The following HSD17B12 variants were observed in gnomAD, a reference collection of about 807,000 sequenced individuals.
The protein encoded by HSD17B12 is hydroxysteroid 17-beta dehydrogenase 12, also known as very-long-chain 3-oxoacyl-CoA reductase.
Under a neutral mutation model 39.3 loss-of-function variants are expected in HSD17B12, and 32 were observed. That is an observed-to-expected ratio of 0.81 (90% CI 0.61 to 1.09). The LOEUF (loss-of-function observed/expected upper bound fraction) is 1.09, where lower values mean the gene tolerates loss of function less well. Ranked by LOEUF, HSD17B12 falls within the 50% of genes least tolerant of loss-of-function variation. The pLI is 0.00. For missense variants in HSD17B12, 342 were observed against 382.9 expected (o/e 0.89, Z 0.89); for synonymous variants, 150 against 146.7 (o/e 1.02, Z -0.16).
At chr11:43,810,675 A>G (rs1230697451) in intron 4 of HSD17B12, among the ~76,000 whole-genome samples, 1 of 151,876 alleles carries the variant, frequency 6.6e-6, no homozygotes, top group Non-Finnish European at 1.5e-5. Flanking sequence ...CCAGTCTTAG[A>G]CCTCTAGTCA....
Position 43,838,392 on chromosome 11 carries a change from A to C in HSD17B12, c.612A>C (p.Ala204=), listed in dbSNP as rs1286018381. ...TCCCACTCTTGACCATCTATTCTGC[A>C]ACCAAGGTAAAAAATATTTTCTTAA... ...LPVPLLTIYS[A]TKTFVDFFSQ... Residue 204 remains alanine (A), a synonymous_variant, in exon 8 of 11, where the codon GCA becomes GCC. Transcript: ENST00000278353. 1.2e-6 allele frequency: 2 copies of C among 1,609,296 alleles called. No individual in the cohort carries two copies. Among genetic ancestry groups the C allele is most frequent in the South Asian group, 2.2e-5 (2 of 90,948 alleles).
At position 43,836,748 on chromosome 11, in the gene HSD17B12, T is replaced by C. The variant is rs116847034; in HGVS notation, c.537-1569T>C. Among the ~76,000 whole-genome samples the C allele has an allele frequency of 3.3e-3, 497 of 152,218 alleles. 12 individuals carry two copies. The East Asian group carries it at 0.076, about 23-fold the overall frequency. Reference sequence around the variant, plus strand: ...TCATCAAAGGAATTTCTCAGAAATATAGATAAAATGAAAGGACTAGATATT... The same window carrying C: ...TCATCAAAGGAATTTCTCAGAAATACAGATAAAATGAAAGGACTAGATATT... On this transcript the variant is annotated intron_variant, in intron 7 of 10. Transcript: ENST00000278353.
intron 1 of HSD17B12, among the ~76,000 whole-genome samples, chr11:43,692,201 A>T (rs1305118064): frequency 6.6e-6 from 1 of 152,182 alleles, no homozygotes; most frequent in East Asian, 1.9e-4. Context: ...GTGTATTTCA[A>T]TTGGGGGGTC....
intron 9 of HSD17B12, among the ~76,000 whole-genome samples, chr11:43,848,874 C>A (rs1326858295): frequency 6.6e-6 from 1 of 152,188 alleles, no homozygotes; most frequent in African/African-American, 2.4e-5. Context: ...ATGACCTCCA[C>A]TACTACCACT....
the HSD17B12 span, among the ~76,000 whole-genome samples, chr11:43,560,437 T>G: frequency 6.6e-6 from 1 of 152,174 alleles, no homozygotes; most frequent in African/African-American, 2.4e-5. Flanking sequence ...AAATGCTACT[T>G]TAGGGTCCCT....
chr11:43,588,474 C>T, the HSD17B12 span, among the ~76,000 whole-genome samples: 1 of 152,084 alleles, frequency 6.6e-6, no homozygotes. Flanking sequence ...TTTTTATCTT[C>T]TCGATTTCTT....
At chr11:43,621,918 T>C in the HSD17B12 span, among the ~76,000 whole-genome samples, 5 of 152,254 alleles carry the variant, frequency 3.3e-5, no homozygotes, top group East Asian at 9.6e-4. Flanking sequence ...AGAATGACAT[T>C]TTCTGAAATT....
At chr11:43,579,919 A>G in the HSD17B12 span, among the ~76,000 whole-genome samples, 1 of 152,008 alleles carries the variant, frequency 6.6e-6, no homozygotes, top group Non-Finnish European at 1.5e-5. Context: ...CAGGGTGCCA[A>G]AGAACAAATA....
intron 9 of HSD17B12, among the ~76,000 whole-genome samples, chr11:43,845,626 T>A (rs1951467946): frequency 6.6e-6 from 1 of 152,186 alleles, no homozygotes; most frequent in Non-Finnish European, 1.5e-5. Flanking sequence ...AGATTCGGAT[T>A]ATGCTTTCCG....
In HSD17B12 at chr11:43,754,905, G is replaced by C. The variant is rs570125915; in HGVS notation, c.283+784G>C. 2.0e-5 allele frequency: 15 copies of C among 760,574 alleles called. 1 individual carries two copies. Among genetic ancestry groups the C allele is most frequent in the Admixed American group, 6.9e-5 (4 of 58,052 alleles). 47.1% of individuals were successfully genotyped at this position (760,574 alleles called of 1,614,324 possible). On this transcript the variant is annotated intron_variant, in intron 3 of 10. Coordinates refer to ENST00000278353, the MANE Select transcript of HSD17B12 (RefSeq NM_016142.3). ...TACTTGAGACCTGAATTACAATATG[G>C]CAAAGACTCTTAACTAACTTCTACT...
At position 43,855,232 on chromosome 11, in the gene HSD17B12, A is replaced by C. The variant is rs760871068; in HGVS notation, c.923A>C (p.Lys308Thr). The stretch of plus-strand genomic sequence containing the variant: ...TCTACACGGGCTCACTATCTGAAGA[A>C]AACCAAGAAGAACTAAGCATTGATA... ...NKSTRAHYLKKTKKN is the reference protein window; with the variant it reads ...NKSTRAHYLKTTKKN The change falls in exon 11 of 11, where the codon AAA (lysine) becomes ACA (threonine). Residue 308 changes from lysine to threonine, a missense_variant. Physicochemically the swap from Lys to Thr is moderately conservative, Grantham distance 78 (BLOSUM62 -1). Transcript: ENST00000278353. 7.5e-6 allele frequency: 12 copies of C among 1,605,270 alleles called. No individual in the cohort carries two copies. The highest frequency in any genetic ancestry group is 1.3e-5 in the African/African-American group (1 of 74,552).
chr11:43,557,923 G>T, the HSD17B12 span, among the ~76,000 whole-genome samples: 2 of 152,120 alleles, frequency 1.3e-5, no homozygotes, highest in African/African-American at 4.8e-5. Context: ...GAATACTTGT[G>T]TGTCGTGGAA....
At chr11:43,741,687 A>C (rs1950365530) in intron 1 of HSD17B12, among the ~76,000 whole-genome samples, 1 of 151,930 alleles carries the variant, frequency 6.6e-6, no homozygotes, top group Non-Finnish European at 1.5e-5. Flanking sequence ...TATTTTATAA[A>C]AATAAAAAAT....
At chr11:43,586,648 A>G in the HSD17B12 span, among the ~76,000 whole-genome samples, 1 of 152,216 alleles carries the variant, frequency 6.6e-6, no homozygotes, top group Admixed American at 6.5e-5. Context: ...AGAATGCTGC[A>G]GATCACCTGC....
At position 43,855,229 on chromosome 11, in the gene HSD17B12, A is replaced by G; in HGVS notation, c.920A>G (p.Lys307Arg). 6.2e-7 allele frequency: 1 copy of G among 1,605,660 alleles called. No homozygotes were observed. Among genetic ancestry groups the G allele is most frequent in the Non-Finnish European group, 8.5e-7 (1 of 1,175,466 alleles). Residue 307 changes from lysine to arginine, a missense_variant, in exon 11 of 11, where the codon AAG becomes AGG. By Grantham distance (26) the Lys-to-Arg change is conservative (BLOSUM62 2). Coordinates refer to ENST00000278353, the MANE Select transcript of HSD17B12 (RefSeq NM_016142.3). ...AAGTCTACACGGGCTCACTATCTGA[A>G]GAAAACCAAGAAGAACTAAGCATTG... is the stretch of plus-strand genomic sequence containing the variant. ...MNKSTRAHYL[K>R]KTKKN
At chr11:43,845,955 G>C (rs760409481) in intron 9 of HSD17B12, among the ~76,000 whole-genome samples, 5 of 152,124 alleles carry the variant, frequency 3.3e-5, no homozygotes, top group African/African-American at 9.7e-5. Context: ...TGGATATTTC[G>C]TCATTTCAAA....
chr11:43,617,012 G>C, the HSD17B12 span, among the ~76,000 whole-genome samples: 1 of 151,104 alleles, frequency 6.6e-6, no homozygotes, highest in African/African-American at 2.4e-5. Flanking sequence ...AAAAAAATCC[G>C]GGGTAAGTTC....
At chr11:43,638,705 G>T in the HSD17B12 span, among the ~76,000 whole-genome samples, 102,975 of 151,992 alleles carry the variant, frequency 0.68, 35,181 homozygotes, top group East Asian at 0.81. Context: ...TTAATATATC[G>T]TGGTGTTTTA....
chr11:43,699,528 ATCT>A (rs1159934931), intron 1 of HSD17B12, among the ~76,000 whole-genome samples: 1 of 152,208 alleles, frequency 6.6e-6, no homozygotes, highest in Non-Finnish European at 1.5e-5. Flanking sequence ...ATATATCCAA[ATCT>A]TCTAGTAATT....
Sources: gnomAD v4.1 joint callset for allele counts (sites outside exome capture counted in the v4.1 genomes callset) on GRCh38, gnomAD v4.1.1 for gene constraint, MANE v1.5 for transcripts, NCBI Gene and HGNC (gene_info 2026-07-23, HGNC 2026-07-21) for gene names.